The following CDK19 variants were observed in gnomAD, a reference collection of about 807,000 sequenced individuals.
CDK19 encodes the protein cyclin dependent kinase 19.
A neutral mutation model predicts 68.3 loss-of-function variants in CDK19; 20 were observed. That is an observed-to-expected ratio of 0.29 (90% CI 0.21 to 0.43). CDK19 has a LOEUF of 0.43. Ranked by LOEUF, CDK19 falls within the 20% of genes least tolerant of loss-of-function variation. CDK19 has a pLI of 1.00. For missense variants in CDK19, 339 were observed against 623.5 expected (o/e 0.54, Z 4.86); for synonymous variants, 221 against 222.8 (o/e 0.99, Z 0.07).
At chr6:110,769,341 G>C (rs920120350) in intron 1 of CDK19, among the ~76,000 whole-genome samples, 2 of 151,708 alleles carry the variant, frequency 1.3e-5, no homozygotes, top group Admixed American at 6.6e-5. Context: ...GAGGCAGGTG[G>C]ATCATCTGAG....
intron 2 of CDK19, among the ~76,000 whole-genome samples, chr6:110,674,764 T>C (rs1771341528): frequency 6.6e-6 from 1 of 151,488 alleles, no homozygotes; most frequent in South Asian, 2.1e-4. Flanking sequence ...TAGCTGGGCG[T>C]AGTGGCAGGT....
At chr6:110,759,404 T>TAAAAAAA (rs1157889434) in intron 1 of CDK19, among the ~76,000 whole-genome samples, 3 of 57,220 alleles carry the variant, frequency 5.2e-5, no homozygotes, top group East Asian at 1.5e-3. Flanking sequence ...GACTCCGTCT[T>TAAAAAAA]AAAAAAAAAA....
chr6:110,720,867 C>CAA (rs60184209), intron 2 of CDK19, among the ~76,000 whole-genome samples: 105 of 92,506 alleles, frequency 1.1e-3, no homozygotes, highest in East Asian at 2.4e-3. Flanking sequence ...GACTCTGTCT[C>CAA]AAAAAAAAAA....
intron 2 of CDK19, among the ~76,000 whole-genome samples, chr6:110,683,513 C>T (rs1212124561): frequency 1.3e-5 from 2 of 152,056 alleles, no homozygotes; most frequent in African/African-American, 4.8e-5. Flanking sequence ...AATAAAATGG[C>T]TATATGAAAG....
chr6:110,724,222 C>T (rs933582458), intron 2 of CDK19, among the ~76,000 whole-genome samples: 117 of 152,076 alleles, frequency 7.7e-4, no homozygotes, highest in African/African-American at 2.6e-3. Context: ...GGCGTGGTGG[C>T]GCATGCCTGT....
chr6:110,622,739 G>A, intron 10 of CDK19, 76 bp downstream of exon 10: 1 of 903,994 alleles, frequency 1.1e-6, no homozygotes, highest in African/African-American at 1.6e-5. Context: ...TCAGTAGCAA[G>A]TGCTTCCCTT....
At chr6:110,632,468 C>T (rs1386528145) in intron 5 of CDK19, among the ~76,000 whole-genome samples, 2 of 152,236 alleles carry the variant, frequency 1.3e-5, no homozygotes, top group African/African-American at 4.8e-5. Flanking sequence ...GGGTGGCTCA[C>T]ACCTATAATC....
At chr6:110,810,716 G>A (rs1583155595) in intron 1 of CDK19, among the ~76,000 whole-genome samples, 1 of 151,844 alleles carries the variant, frequency 6.6e-6, no homozygotes, top group Non-Finnish European at 1.5e-5. Flanking sequence ...GGAGGTTGCA[G>A]TGAGCTGAGA....
rs946861566 is a variant in CDK19, at chr6:110,815,314, A to T, written c.-178T>A. On this transcript the variant is annotated 5_prime_UTR_variant, in exon 1 of 13. The change creates a premature stop within an existing upstream ORF in the 5' untranslated region. Coordinates refer to ENST00000368911, the MANE Select transcript of CDK19 (RefSeq NM_015076.5). ...TTCAGCAAGGGACTCCTCGGCGGCC[A>T]CAGCAGCCACCTCCTCCACCTCTTC... The T allele has an allele frequency of 1.7e-5, 10 of 580,910 alleles. No individual in the cohort carries two copies. The African/African-American group carries it at 2.0e-4, about 12-fold the overall frequency. 36.0% of individuals were successfully genotyped at this position (580,910 alleles called of 1,614,324 possible).
chr6:110,725,336 A>C (rs1406506064), intron 2 of CDK19, among the ~76,000 whole-genome samples: 1 of 152,118 alleles, frequency 6.6e-6, no homozygotes, highest in African/African-American at 2.4e-5. Flanking sequence ...CAGAAGAGGA[A>C]AACATGGGAT....
intron 5 of CDK19, among the ~76,000 whole-genome samples, chr6:110,637,489 A>C (rs1408485482): frequency 6.6e-6 from 1 of 152,230 alleles, no homozygotes; most frequent in African/African-American, 2.4e-5. Context: ...CTAGGGAGTT[A>C]ACTGAAAAAG....
At chr6:110,701,811 G>C (rs927619588) in intron 2 of CDK19, among the ~76,000 whole-genome samples, 46 of 151,974 alleles carry the variant, frequency 3.0e-4, no homozygotes, top group Non-Finnish European at 5.4e-4. Context: ...CCCTACAGTG[G>C]AATATTATAT....
At chr6:110,617,662 T>TACACACACACACAC (rs561387463) in intron 12 of CDK19, among the ~76,000 whole-genome samples, 2 of 107,158 alleles carry the variant, frequency 1.9e-5, no homozygotes, top group Non-Finnish European at 3.6e-5. Context: ...TATATATATA[T>TACACACACACACAC]ACACACACAC....
intron 2 of CDK19, among the ~76,000 whole-genome samples, chr6:110,694,776 A>G (rs1773330164): frequency 6.6e-6 from 1 of 152,228 alleles, no homozygotes; most frequent in Non-Finnish European, 1.5e-5. Flanking sequence ...AGTAAATTTA[A>G]GGAAATCGAA....
At chr6:110,662,186 T>C (rs1471775013) in intron 4 of CDK19, among the ~76,000 whole-genome samples, 1 of 152,120 alleles carries the variant, frequency 6.6e-6, no homozygotes, top group Non-Finnish European at 1.5e-5. Flanking sequence ...TCCAGGCTGG[T>C]CTCAAACTCC....
chr6:110,648,001 G>GA (rs1037757430), intron 4 of CDK19, among the ~76,000 whole-genome samples: 10 of 151,648 alleles, frequency 6.6e-5, no homozygotes, highest in African/African-American at 2.2e-4. Flanking sequence ...AGATGCTGGG[G>GA]AAAAAAAACA....
intron 2 of CDK19, among the ~76,000 whole-genome samples, chr6:110,710,753 C>T (rs1176956763): frequency 1.3e-5 from 2 of 152,146 alleles, no homozygotes; most frequent in Non-Finnish European, 2.9e-5. Flanking sequence ...AATCATCTCC[C>T]AAAGGCTTCA....
In CDK19 at chr6:110,622,903, G is replaced by C; in HGVS notation, c.943C>G (p.Leu315Val). ...CTCTTGGTTGGATCCATGGTCAGGA[G>C]TTTCTGAAGCTAGAGTGACACACAG... ...DSKVFLLLQKLLTMDPTKRIT... is the reference protein window; with the variant it reads ...DSKVFLLLQKVLTMDPTKRIT... Residue 315 changes from leucine to valine, a missense_variant, in exon 10 of 13, where the codon CTC (leucine) becomes GTC (valine). Leu to Val is a conservative substitution (Grantham distance 32). Coordinates refer to ENST00000368911, the MANE Select transcript of CDK19 (RefSeq NM_015076.5). The C allele has an allele frequency of 1.2e-6, 2 of 1,608,590 alleles. No homozygotes were observed. The highest frequency in any genetic ancestry group is 1.7e-6 in the Non-Finnish European group (2 of 1,174,924).
intron 5 of CDK19, among the ~76,000 whole-genome samples, chr6:110,635,018 A>G (rs780907223): frequency 1.9e-4 from 29 of 152,236 alleles, no homozygotes; most frequent in Non-Finnish European, 3.2e-4. Context: ...GATTTAGACA[A>G]AAGGTAATTA....
Sources: gnomAD v4.1 joint callset for allele counts (sites outside exome capture counted in the v4.1 genomes callset) on GRCh38, gnomAD v4.1.1 for gene constraint, MANE v1.5 for transcripts, NCBI Gene and HGNC (gene_info 2026-07-23, HGNC 2026-07-21) for gene names.